Variants in RP1 observed in about 807,000 individuals in gnomAD.
The protein encoded by RP1 is RP1 axonemal microtubule associated, also known as oxygen-regulated protein 1.
A neutral mutation model predicts 14.8 loss-of-function variants in RP1; 16 were observed. The observed-to-expected ratio is 1.08, with a 90% CI of 0.73 to 1.65. RP1 has a LOEUF of 1.65. Ranked by LOEUF, RP1 falls within the 40% of genes most tolerant of loss-of-function variation. RP1 has a pLI of 0.00. For missense variants in RP1, 2,631 were observed against 2,535.0 expected, an observed-to-expected ratio of 1.04 and a Z score of -0.81; for synonymous variants, 876 against 883.6, an observed-to-expected ratio of 0.99 and a Z score of 0.15.
intron 27 of RP1, among the ~76,000 whole-genome samples, chr8:54,861,626 G>A (rs1196677822): frequency 2.0e-5 from 3 of 151,000 alleles, no homozygotes; most frequent in Non-Finnish European, 4.4e-5. Context: ...TTTTTGAGAT[G>A]GAATCTCACT....
chr8:54,578,821 G>T (rs552834195), intron 1 of RP1, among the ~76,000 whole-genome samples: 1 of 152,290 alleles, frequency 6.6e-6, no homozygotes, highest in African/African-American at 2.4e-5. Flanking sequence ...GTGTAAGCTG[G>T]TATTACTGTA....
chr8:54,783,296 T>A (rs1373754336), intron 23 of RP1, among the ~76,000 whole-genome samples: 1 of 152,204 alleles, frequency 6.6e-6, no homozygotes, highest in African/African-American at 2.4e-5. Flanking sequence ...CCAACTCCAT[T>A]GTTTTGCCCA....
At chr8:54,728,246 A>G (rs1808706088) in intron 17 of RP1, among the ~76,000 whole-genome samples, 1 of 152,182 alleles carries the variant, frequency 6.6e-6, no homozygotes, top group African/African-American at 2.4e-5. Context: ...TAATTAGATC[A>G]TGATTCCCTT....
intron 7 of RP1, among the ~76,000 whole-genome samples, chr8:54,668,035 A>G (rs1807057166): frequency 6.6e-6 from 1 of 152,148 alleles, no homozygotes; most frequent in Non-Finnish European, 1.5e-5. Context: ...GACACAACAA[A>G]AAAAGAGAAT....
intron 24 of RP1, among the ~76,000 whole-genome samples, chr8:54,804,555 A>AT (rs1768140316): frequency 6.6e-6 from 1 of 152,112 alleles, no homozygotes. Context: ...CTAAAAAAAA[A>AT]TGATATTGAC....
intron 22 of RP1, among the ~76,000 whole-genome samples, chr8:54,767,991 C>G (rs1809804964): frequency 6.6e-6 from 1 of 152,190 alleles, no homozygotes; most frequent in Non-Finnish European, 1.5e-5. Context: ...CACACCTTCC[C>G]ATTATCTGCT....
At chr8:54,675,031 T>C (rs1459603032) in intron 8 of RP1, among the ~76,000 whole-genome samples, 1 of 152,162 alleles carries the variant, frequency 6.6e-6, no homozygotes, top group Admixed American at 6.6e-5. Flanking sequence ...CTTTTAGCCT[T>C]ATTTCTGAGT....
intron 1 of RP1, among the ~76,000 whole-genome samples, chr8:54,602,334 G>A (rs1213278755): frequency 1.3e-5 from 2 of 152,114 alleles, no homozygotes; most frequent in African/African-American, 2.4e-5. Context: ...ATGGTTTCCA[G>A]CTTCATCCAC....
At chr8:54,813,058 G>A (rs534765483) in intron 24 of RP1, among the ~76,000 whole-genome samples, 1 of 152,316 alleles carries the variant, frequency 6.6e-6, no homozygotes, top group East Asian at 1.9e-4. Context: ...GGATAATGGT[G>A]AGGAGGTGTT....
At chr8:54,740,583 G>A (rs1372257669) in intron 19 of RP1, among the ~76,000 whole-genome samples, 1 of 151,814 alleles carries the variant, frequency 6.6e-6, no homozygotes, top group Non-Finnish European at 1.5e-5. Context: ...TTAGCTGGGC[G>A]TGGTGATATG....
rs1809438363 is a variant in RP1, at chr8:54,753,980, G to A, written c.2809-823G>A. ...TTAGCTGGAATCTTAAAAGGATGAG[G>A]ACATTTTTATCTATTGTGATAGGAG... is the stretch of plus-strand genomic sequence containing the variant. On this transcript the variant is annotated intron_variant, in intron 19 of 22. Transcript: ENST00000636932. 2.6e-5 allele frequency among the ~76,000 whole-genome samples: 4 copies of A among 152,240 alleles called. No individual in the cohort carries two copies. The South Asian group carries it at 8.3e-4, about 32-fold the overall frequency.
At position 54,807,618 on chromosome 8, in the gene RP1, C is replaced by T. The variant is rs572490621; in HGVS notation, c.3615+23908C>T. Among the ~76,000 whole-genome samples the T allele has an allele frequency of 1.4e-4, 22 of 152,000 alleles. No homozygotes were observed. The South Asian group carries it at 4.2e-3, about 29-fold the overall frequency. On this transcript the variant is annotated intron_variant, in intron 24 of 28. Transcript: ENST00000637698. ...CACCAGAATGTGTGTGCATCTCTAT[C>T]TACCTGTCTGTCTGTCTATCTATCT... is the stretch of plus-strand genomic sequence containing the variant.
At chr8:54,788,383 AT>A (rs1799933744) in intron 24 of RP1, among the ~76,000 whole-genome samples, 1 of 152,132 alleles carries the variant, frequency 6.6e-6, no homozygotes, top group Admixed American at 6.6e-5. Context: ...TTAGCATGTC[AT>A]TTTGATTTTG....
At chr8:54,800,280 G>A (rs1810672188) in intron 24 of RP1, among the ~76,000 whole-genome samples, 1 of 151,450 alleles carries the variant, frequency 6.6e-6, no homozygotes, top group Admixed American at 6.6e-5. Context: ...TTTGTCTTTG[G>A]TTTACAGCAA....
intron 8 of RP1, among the ~76,000 whole-genome samples, chr8:54,675,145 C>T (rs1044568304): frequency 2.1e-4 from 32 of 151,888 alleles, no homozygotes; most frequent in African/African-American, 7.5e-4. Flanking sequence ...AAATAAATGA[C>T]CCAGTAATAT....
At position 54,759,055 on chromosome 8, in the gene RP1, AGTCCATCTTTACCT is replaced by A; in HGVS notation, c.3231_3244del (p.Ile1078LysfsTer16). On this transcript the variant is annotated frameshift_variant, in exon 22 of 23. Coordinates refer to the RP1 transcript ENST00000636932. LOFTEE classifies it high-confidence loss of function. ...GTCAGAGAGCCCGGCACCACATCCG[AGTCCATCTTTACCT>A]GTCAAAGGTAATGCTGGTCTCCAAG... The A allele has an allele frequency of 6.5e-7, 1 of 1,535,112 alleles. No homozygotes were observed. The highest frequency in any genetic ancestry group is 1.4e-5 in the African/African-American group (1 of 73,020).
rs115804339 is a variant in RP1 at position 54,790,189 on chromosome 8, C to A, written c.3615+6479C>A. ...GACTACAGCCAGGTCAGCAGACCTA[C>A]TGGTTGCAGAGACCACCTTGCAGCT... On this transcript the variant is annotated intron_variant, in intron 24 of 28. Coordinates refer to the RP1 transcript ENST00000637698. Among the ~76,000 whole-genome samples the A allele has an allele frequency of 1.1e-3, 165 of 152,304 alleles. 1 individual carries two copies. Among genetic ancestry groups the A allele is most frequent in the African/African-American group, 3.9e-3 (162 of 41,576 alleles).
chr8:54,760,130 G>T (rs1809604164), intron 22 of RP1, among the ~76,000 whole-genome samples: 1 of 152,202 alleles, frequency 6.6e-6, no homozygotes, highest in South Asian at 2.1e-4. Context: ...GGAGCTGACT[G>T]CAGATGAACA....
rs573551979 is a variant in RP1, at chr8:54,625,018, G to T, written c.1136G>T (p.Gly379Val). Residue 379 changes from glycine (G) to valine (V), a missense_variant, in exon 4 of 4, where the codon GGT becomes GTT. Transcript: ENST00000220676. The part of the protein sequence containing the change: ...FPGRTESRSS[G>V]LKLAACSFSA... ...GGAAGAACAGAAAGTCGATCATCTG[G>T]TTTAAAGCTTGCAGCATGTTCATTC... 3.9e-5 allele frequency: 63 copies of T among 1,614,180 alleles called. No individual in the cohort carries two copies. The highest frequency in any genetic ancestry group is 1.2e-4 in the Admixed American group (7 of 60,024).
Sources: allele counts gnomAD v4.1 joint callset (sites outside exome capture counted in the v4.1 genomes callset), GRCh38; gene constraint gnomAD v4.1.1; transcripts MANE v1.5; gene names NCBI Gene and HGNC (gene_info 2026-07-23, HGNC 2026-07-21).